The following ASPH variants were observed in gnomAD, a reference collection of about 807,000 sequenced individuals.
ASPH encodes the protein aspartyl/asparaginyl beta-hydroxylase.
A neutral mutation model predicts 118.4 loss-of-function variants in ASPH; 100 were observed. That is an observed-to-expected ratio of 0.84 (90% CI 0.72 to 1.00). The LOEUF (loss-of-function observed/expected upper bound fraction) is 1.00, where lower values mean the gene tolerates loss of function less well. ASPH is among the 50% of genes least tolerant of loss of function. ASPH has a pLI of 0.00. For missense variants in ASPH, 920 were observed against 919.5 expected (o/e 1.00, Z -0.01); for synonymous variants, 315 against 325.6 (o/e 0.97, Z 0.35).
At chr8:61,629,199 C>T (rs1431591245) in intron 13 of ASPH, among the ~76,000 whole-genome samples, 1 of 152,222 alleles carries the variant, frequency 6.6e-6, no homozygotes, top group Non-Finnish European at 1.5e-5. Context: ...ATGATGCTCA[C>T]ATACCTGCAT....
intron 3 of ASPH, chr8:61,676,366 A>C: frequency 6.6e-7 from 1 of 1,508,330 alleles, no homozygotes; most frequent in African/African-American, 1.4e-5. Context: ...GAGAGCAGTT[A>C]GGTGGAAAAA....
rs1440799600 is a variant in ASPH, at chr8:61,517,639, G to A, written c.2015C>T (p.Pro672Leu). 2 of 1,613,898 alleles carry A rather than the reference G, an allele frequency of 1.2e-6. No homozygotes were observed. The highest frequency in any genetic ancestry group is 1.3e-5 in the African/African-American group (1 of 74,916). Residue 672 changes from proline (P) to leucine (L), a missense_variant, in exon 24 of 25, where the codon CCC (proline) becomes CTC (leucine). Coordinates refer to ENST00000379454, the MANE Select transcript of ASPH (RefSeq NM_004318.4). ...RGQIKYSIMHPGTHVWPHTGP... is the reference protein window; with the variant it reads ...RGQIKYSIMHLGTHVWPHTGP... ...TGTGTGCGGCCACACGTGAGTCCCGGGGTGCATGATGGAATATTTGATCTG... is the reference window on the plus strand; with the variant it reads ...TGTGTGCGGCCACACGTGAGTCCCGAGGTGCATGATGGAATATTTGATCTG...
intron 24 of ASPH, among the ~76,000 whole-genome samples, chr8:61,515,721 C>T (rs1810657869): frequency 1.3e-5 from 2 of 152,150 alleles, no homozygotes; most frequent in Admixed American, 1.3e-4. Context: ...TGCCTCATGC[C>T]TCCCAAATTC....
intron 14 of ASPH, among the ~76,000 whole-genome samples, chr8:61,611,909 G>A (rs1190298273): frequency 1.3e-5 from 2 of 151,916 alleles, no homozygotes; most frequent in South Asian, 4.2e-4. Context: ...CACACCAACA[G>A]TCCTCAGAAA....
intron 24 of ASPH, 95 bp from the exon 25 acceptor site, chr8:61,503,604 A>T: frequency 1.6e-6 from 2 of 1,277,314 alleles, no homozygotes; most frequent in South Asian, 3.2e-5. Flanking sequence ...TACCTTTGGT[A>T]ACAACCTTTG....
chr8:61,591,196 G>T (rs1471090054), intron 14 of ASPH, among the ~76,000 whole-genome samples: 1 of 152,178 alleles, frequency 6.6e-6, no homozygotes, highest in Non-Finnish European at 1.5e-5. Flanking sequence ...ATGAATGCAT[G>T]CAGGCATGAA....
chr8:61,665,709 C>A, intron 3 of ASPH: 3 of 1,222,412 alleles, frequency 2.5e-6, no homozygotes, highest in Non-Finnish European at 3.3e-6. Flanking sequence ...TCTCTCCACA[C>A]ACAGGAAATG....
At chr8:61,601,678 T>C (rs893115945) in intron 14 of ASPH, among the ~76,000 whole-genome samples, 15 of 150,736 alleles carry the variant, frequency 1.0e-4, no homozygotes, top group African/African-American at 3.5e-4. Flanking sequence ...CAGAGGAAGA[T>C]AATAAAAATA....
intron 20 of ASPH, among the ~76,000 whole-genome samples, chr8:61,551,669 C>T (rs1461131175): frequency 2.6e-5 from 4 of 152,138 alleles, no homozygotes; most frequent in Non-Finnish European, 5.9e-5. Context: ...TGTCTTTGCC[C>T]TGGACTCTGA....
intron 15 of ASPH, among the ~76,000 whole-genome samples, chr8:61,577,417 A>AAAAAAAAAAAAG (rs1835654166): frequency 6.7e-6 from 1 of 149,484 alleles, no homozygotes; most frequent in Non-Finnish European, 1.5e-5. Context: ...AAAAAAAAAA[A>AAAAAAAAAAAAG]AAAAAAGACA....
intron 14 of ASPH, among the ~76,000 whole-genome samples, chr8:61,616,570 G>A (rs557809539): frequency 5.3e-5 from 8 of 152,190 alleles, no homozygotes; most frequent in Non-Finnish European, 1.2e-4. Flanking sequence ...GGTGTCCACA[G>A]CATGAAGAAA....
chr8:61,606,110 T>C (rs534232521), intron 14 of ASPH, among the ~76,000 whole-genome samples: 1 of 152,140 alleles, frequency 6.6e-6, no homozygotes, highest in East Asian at 1.9e-4. Context: ...CATGAAAAAA[T>C]ATACTGCAGA....
At chr8:61,542,619 A>C (rs919404946) in intron 21 of ASPH, among the ~76,000 whole-genome samples, 1 of 152,236 alleles carries the variant, frequency 6.6e-6, no homozygotes, top group Non-Finnish European at 1.5e-5. Flanking sequence ...TTTTGGAATA[A>C]GATAGAAGAA....
At chr8:61,520,158 C>A (rs1357905605) in intron 22 of ASPH, among the ~76,000 whole-genome samples, 3 of 152,174 alleles carry the variant, frequency 2.0e-5, no homozygotes, top group Admixed American at 2.0e-4. Flanking sequence ...CTATGATTAA[C>A]TGTCAAGAGC....
Position 61,648,334 on chromosome 8 carries a change from C to T in ASPH, c.491-1456G>A, listed in dbSNP as rs964989045. ...CCTTCCTTAGTTACTCTCCCTTTAG[C>T]GTGGCAAGGCAATGCTCTCAGGTGT... On this transcript the variant is annotated intron_variant, in intron 5 of 24. Transcript: ENST00000379454. 8.5e-5 allele frequency among the ~76,000 whole-genome samples: 13 copies of T among 152,304 alleles called. 1 individual carries two copies. The highest frequency in any genetic ancestry group is 2.9e-4 in the African/African-American group (12 of 41,566).
chr8:61,661,930 T>C, intron 3 of ASPH: 1 of 452,558 alleles, frequency 2.2e-6, no homozygotes, highest in Non-Finnish European at 3.9e-6. Flanking sequence ...AAATTACCTA[T>C]AAAATAAAAT....
rs1485176461 is a variant in ASPH, at chr8:61,501,166, G to GTGA, written c.*2190_*2192dup. On this transcript the variant is annotated 3_prime_UTR_variant, in exon 25 of 25. Transcript: ENST00000379454. Reference sequence around the variant, plus strand: ...ACACTGAAATAATTCTACCAATGCAGTGATGGAAACACTTTTCTTATGTAC... The same window carrying GTGA: ...ACACTGAAATAATTCTACCAATGCAGTGATGATGGAAACACTTTTCTTATGTAC... The GTGA allele has an allele frequency of 6.6e-6, 1 of 152,114 alleles. No individual in the cohort carries two copies. Among genetic ancestry groups the GTGA allele is most frequent in the Non-Finnish European group, 1.5e-5 (1 of 68,006 alleles). 9.4% of individuals were successfully genotyped at this position (152,114 alleles called of 1,614,324 possible).
intron 1 of ASPH, among the ~76,000 whole-genome samples, chr8:61,706,776 T>G (rs1462972999): frequency 6.6e-6 from 1 of 152,218 alleles, no homozygotes; most frequent in African/African-American, 2.4e-5. Context: ...AAAGCTATAG[T>G]GAGCAATTCA....
chr8:61,510,370 GAAAT>G (rs972707457), intron 24 of ASPH, among the ~76,000 whole-genome samples: 2 of 152,170 alleles, frequency 1.3e-5, no homozygotes, highest in Non-Finnish European at 2.9e-5. Flanking sequence ...ACTAAAATCT[GAAAT>G]AAAAGCTCAG....
Sources: allele counts gnomAD v4.1 joint callset (sites outside exome capture counted in the v4.1 genomes callset), GRCh38; gene constraint gnomAD v4.1.1; transcripts MANE v1.5; gene names NCBI Gene and HGNC (gene_info 2026-07-23, HGNC 2026-07-21).